Variants in PTPRB observed in about 807,000 individuals in gnomAD.
PTPRB encodes receptor-type tyrosine-protein phosphatase beta.
In PTPRB, 97 loss-of-function variants were observed where a neutral mutation model predicts 238.1. The observed-to-expected ratio is 0.41, with a 90% CI of 0.35 to 0.48. PTPRB has a LOEUF of 0.48. Among genes scored for constraint, PTPRB ranks in the 20% least tolerant of loss-of-function variants. The pLI is 0.30. For missense variants in PTPRB, 2,292 were observed against 2,681.9 expected (o/e 0.85, Z 3.21); for synonymous variants, 970 against 995.4 (o/e 0.97, Z 0.48).
intron 8 of PTPRB, among the ~76,000 whole-genome samples, chr12:70,588,886 G>A (rs1348119597): frequency 1.3e-5 from 2 of 152,158 alleles, no homozygotes; most frequent in African/African-American, 4.8e-5. Flanking sequence ...CTAGGAGGTG[G>A]GGGTTGCAGC....
At chr12:70,557,038 G>A (rs1363408910) in intron 18 of PTPRB, among the ~76,000 whole-genome samples, 2 of 152,188 alleles carry the variant, frequency 1.3e-5, no homozygotes, top group Non-Finnish European at 2.9e-5. Flanking sequence ...GTGAGAGAAG[G>A]TGCTATGTGG....
chr12:70,622,756 G>A (rs577228039), intron 2 of PTPRB, 110 bp from the exon 3 acceptor site: 15 of 1,278,656 alleles, frequency 1.2e-5, no homozygotes, highest in Non-Finnish European at 1.5e-5. Context: ...TGGGCATGTG[G>A]ATAAGCTTCA....
intron 3 of PTPRB, among the ~76,000 whole-genome samples, chr12:70,612,732 A>G (rs2047906307): frequency 6.6e-6 from 1 of 152,164 alleles, no homozygotes; most frequent in South Asian, 2.1e-4. Context: ...CACACCTGTA[A>G]TCATAGCACT....
chr12:70,580,775 G>T (rs979585055), intron 10 of PTPRB, among the ~76,000 whole-genome samples: 1 of 149,888 alleles, frequency 6.7e-6, no homozygotes, highest in Non-Finnish European at 1.5e-5. Flanking sequence ...CCGAGATCAC[G>T]CCATCGCACT....
chr12:70,539,224 G>T (rs1420718740), intron 26 of PTPRB: 1 of 581,826 alleles, frequency 1.7e-6, no homozygotes, highest in Non-Finnish European at 3.0e-6. Context: ...GGCTCAGTCA[G>T]GATAACTGAT....
chr12:70,559,134 T>A (rs1878113174), intron 18 of PTPRB: 1 of 618,670 alleles, frequency 1.6e-6, no homozygotes, highest in South Asian at 2.0e-5. Context: ...TACCTAATTG[T>A]AAGCCCCATG....
At chr12:70,546,831 C>T (rs1173355859) in intron 21 of PTPRB, among the ~76,000 whole-genome samples, 1 of 151,132 alleles carries the variant, frequency 6.6e-6, no homozygotes, top group Non-Finnish European at 1.5e-5. Context: ...GAAGCAGTCC[C>T]AGGGAAGCTG....
At chr12:70,536,629 G>T (rs1425163140) in intron 28 of PTPRB, among the ~76,000 whole-genome samples, 1 of 152,214 alleles carries the variant, frequency 6.6e-6, no homozygotes, top group Non-Finnish European at 1.5e-5. Flanking sequence ...ATGTGTCGCA[G>T]GTCAGGACTT....
At chr12:70,579,557 C>T (rs535631463) in intron 10 of PTPRB, among the ~76,000 whole-genome samples, 7 of 151,922 alleles carry the variant, frequency 4.6e-5, no homozygotes, top group Non-Finnish European at 8.8e-5. Flanking sequence ...ATTAGCTGGG[C>T]GTGGTGGTGC....
chr12:70,521,619 A>T (rs1389410889), intron 33 of PTPRB, 108 bp from the exon 34 acceptor site: 2 of 936,152 alleles, frequency 2.1e-6, no homozygotes, highest in African/African-American at 1.7e-5. Context: ...CATATAGCTC[A>T]ACCTAGTTTA....
chr12:70,550,683 T>C (rs1237063143), intron 21 of PTPRB, among the ~76,000 whole-genome samples: 1 of 152,144 alleles, frequency 6.6e-6, no homozygotes. Flanking sequence ...GGGAGATTGG[T>C]GGGCTCTGGT....
chr12:70,623,214 T>C (rs1885025582), intron 2 of PTPRB, among the ~76,000 whole-genome samples: 2 of 152,178 alleles, frequency 1.3e-5, no homozygotes, highest in African/African-American at 4.8e-5. Flanking sequence ...TCCAACTGTA[T>C]GAGTTACAAA....
chr12:70,571,245 C>T lies in PTPRB; in HGVS notation c.3151G>A (p.Glu1051Lys). Residue 1051 changes from glutamate to lysine, a missense_variant, in exon 13 of 34, where the codon GAG (glutamate) becomes AAG (lysine). By Grantham distance (56) the Glu-to-Lys change is moderately conservative. This residue lies in a region of PTPRB where 1,205 missense variants were observed against 1,287.8 expected (regional missense o/e 0.94). Coordinates refer to ENST00000334414, the MANE Select transcript of PTPRB (RefSeq NM_001109754.4). ...KDLTLRNRST[E>K]DLHVTWSGAN... Reference sequence around the variant, plus strand: ...CCTGACCAAGTCACATGCAAGTCCTCAGTGCTCCTGTTGCGCAATGTTAGA... The same window carrying T: ...CCTGACCAAGTCACATGCAAGTCCTTAGTGCTCCTGTTGCGCAATGTTAGA... 1 of 1,610,722 alleles carries T rather than the reference C, an allele frequency of 6.2e-7. No individual in the cohort carries two copies.
intron 21 of PTPRB, among the ~76,000 whole-genome samples, chr12:70,547,537 T>G (rs1372699655): frequency 1.3e-5 from 2 of 150,302 alleles, no homozygotes; most frequent in African/African-American, 4.9e-5. Context: ...TTTTTTTTTT[T>G]TTTTTGAGAC....
chr12:70,542,089 T>C (rs1875220257), intron 22 of PTPRB: 1 of 152,240 alleles, frequency 6.6e-6, no homozygotes, highest in Admixed American at 6.5e-5. Context: ...GGTTCTGATT[T>C]CTTCATATCC....
intron 2 of PTPRB, among the ~76,000 whole-genome samples, chr12:70,628,246 G>A (rs1009647094): frequency 1.3e-5 from 2 of 152,146 alleles, no homozygotes; most frequent in African/African-American, 4.8e-5. Flanking sequence ...TGAATTGAGT[G>A]GTAAATAAAT....
rs762213107 is a variant in PTPRB, at chr12:70,560,859, G to T, written c.4244C>A (p.Ala1415Asp). Reference sequence around the variant, plus strand: ...CTCATAAAAGTCAAAGTCCCCAGAGGCTGGACTCCAGTTGAACCAAAGGCT... The same window carrying T: ...CTCATAAAAGTCAAAGTCCCCAGAGTCTGGACTCCAGTTGAACCAAAGGCT... ...TDSLWFNWSP[A>D]SGDFDFYELI... The change falls in exon 17 of 34, where the codon GCC becomes GAC. Residue 1415 changes from alanine (A) to aspartate (D), a missense_variant. Around this residue, in one of 4 missense-constraint regions of PTPRB, gnomAD observed 683 missense variants for 862.0 expected, o/e 0.79. Coordinates refer to ENST00000334414, the MANE Select transcript of PTPRB (RefSeq NM_001109754.4). This position sits in a 1 kb window ranked among gnomAD's most constrained non-coding sequence, Gnocchi z 4.2. The T allele has an allele frequency of 6.2e-7, 1 of 1,613,882 alleles. No homozygotes were observed. The highest frequency in any genetic ancestry group is 8.5e-7 in the Non-Finnish European group (1 of 1,179,792).
At chr12:70,620,606 C>T (rs1006665621) in intron 3 of PTPRB, among the ~76,000 whole-genome samples, 1 of 152,078 alleles carries the variant, frequency 6.6e-6, no homozygotes, top group Admixed American at 6.6e-5. Flanking sequence ...TGGCTAGGCA[C>T]ATTCAGCCAC....
rs530505198 is a variant in PTPRB, at chr12:70,554,044, T to C, written c.5144-1024A>G. Among the ~76,000 whole-genome samples, 336 of 152,308 alleles carry C rather than the reference T, an allele frequency of 2.2e-3. 3 individuals carry two copies. The highest frequency in any genetic ancestry group is 7.7e-3 in the African/African-American group (318 of 41,562). ...CTGTCTTCATTGCAGTCTAATTAAG[T>C]CTAAAGTCTTTCCACAGTTCACTAA... is the stretch of plus-strand genomic sequence containing the variant. On this transcript the variant is annotated intron_variant, in intron 20 of 33. Coordinates refer to ENST00000334414, the MANE Select transcript of PTPRB (RefSeq NM_001109754.4).
Sources: gnomAD v4.1 joint callset for allele counts (sites outside exome capture counted in the v4.1 genomes callset) on GRCh38, gnomAD v4.1.1 for gene constraint, gnomAD v4.1.1 regional missense constraint, Gnocchi (gnomAD v3.1) non-coding constraint, MANE v1.5 for transcripts, NCBI Gene and HGNC (gene_info 2026-07-23, HGNC 2026-07-21) for gene names.